The following ZNF76 variants were observed in gnomAD, a reference collection of about 807,000 sequenced individuals.
ZNF76 encodes the protein zinc finger protein 76, also known as zinc finger protein 523.
ZNF76 carries 66 observed loss-of-function variants against 66.9 expected under a neutral mutation model. The ratio of observed to expected loss-of-function variants is 0.99; its 90% CI spans 0.81 to 1.21. The LOEUF (loss-of-function observed/expected upper bound fraction) is 1.21. Ranked by LOEUF, ZNF76 falls within the 50% of genes most tolerant of loss-of-function variation. The probability of loss-of-function intolerance (pLI) is 0.00; values close to 1 mark genes in which losing one functional copy is unlikely to be tolerated. For synonymous variants in ZNF76, 275 were observed against 296.1 expected (o/e 0.93, Z 0.73); for missense variants, 729 against 760.3 (o/e 0.96, Z 0.48).
intron 1 of ZNF76, among the ~76,000 whole-genome samples, chr6:35,266,518 T>G (rs563183884): frequency 1.5e-4 from 23 of 152,318 alleles, no homozygotes; most frequent in Non-Finnish European, 5.9e-5. Flanking sequence ...CTTGAACATG[T>G]CAAGTTCGAA....
At chr6:35,294,843 C>T in intron 13 of ZNF76, 1 of 569,506 alleles carries the variant, frequency 1.8e-6, no homozygotes, top group South Asian at 2.0e-5. Context: ...TCTGTTTCTT[C>T]ATCTGGAAAT....
At chr6:35,264,017 C>T (rs1785625088) in intron 1 of ZNF76, among the ~76,000 whole-genome samples, 4 of 152,186 alleles carry the variant, frequency 2.6e-5, no homozygotes, top group Admixed American at 2.0e-4. Flanking sequence ...TCCCAAAGTG[C>T]TAGGATTACA....
intron 1 of ZNF76, among the ~76,000 whole-genome samples, chr6:35,275,127 C>T (rs566397782): frequency 6.6e-6 from 1 of 151,454 alleles, no homozygotes; most frequent in Non-Finnish European, 1.5e-5. Context: ...TGCACTCCAG[C>T]GTGGGCGTGA....
intron 4 of ZNF76, 156 bp downstream of exon 4, chr6:35,286,555 G>T (rs920505850): frequency 1.8e-5 from 13 of 717,258 alleles, no homozygotes; most frequent in Non-Finnish European, 2.7e-5. Context: ...TAGCAGCCTT[G>T]CCCACCTTCC....
chr6:35,290,998 C>T, intron 7 of ZNF76: 1 of 593,392 alleles, frequency 1.7e-6, no homozygotes, highest in Non-Finnish European at 3.0e-6. Flanking sequence ...GCCATTGCAT[C>T]TCTCTGGGCT....
rs74869516 is a variant in ZNF76 at position 35,270,981 on chromosome 6, C to A, written c.-96-10075C>A. Among the ~76,000 whole-genome samples the A allele has an allele frequency of 6.1e-3, 874 of 144,336 alleles. 8 individuals carry two copies. Among genetic ancestry groups the A allele is most frequent in the African/African-American group, 0.017 (693 of 40,764 alleles). The allele number at this position is 144,336 out of a possible 152,430, so 94.7% of individuals were successfully genotyped here. On this transcript the variant is annotated intron_variant, in intron 1 of 13. Transcript: ENST00000373953. ...TAGGCGACAGAGCAAGACTTCGTCT[C>A]ATAAATAAATAAATGGCACTGTTTT...
At chr6:35,294,629 A>G in intron 13 of ZNF76, 60 bp downstream of exon 13, 6 of 1,196,872 alleles carry the variant, frequency 5.0e-6, no homozygotes, top group Non-Finnish European at 7.5e-6. Context: ...CAAGGAATAA[A>G]GGGGAATTAG....
In ZNF76 at chr6:35,295,497, C is replaced by T. The variant is rs1458813495; in HGVS notation, c.*249C>T. On this transcript the variant is annotated 3_prime_UTR_variant, in exon 14 of 14. Transcript: ENST00000373953. The stretch of plus-strand genomic sequence containing the variant: ...ACAACAGCCAGGCTACACCAGGGCA[C>T]CCGCCTCTCAAAATCAGCTGGGCGC... The T allele has an allele frequency of 5.9e-6, 3 of 506,224 alleles. No homozygotes were observed. The highest frequency in any genetic ancestry group is 1.9e-5 in the African/African-American group (1 of 51,752). The allele number at this position is 506,224 out of a possible 1,614,324, so 31.4% of individuals were successfully genotyped here. A position where few individuals can be genotyped will look rare whatever the true frequency, so the allele number is the denominator to read the frequency against.
At chr6:35,264,365 G>A in intron 1 of ZNF76, among the ~76,000 whole-genome samples, 1 of 152,208 alleles carries the variant, frequency 6.6e-6, no homozygotes, top group African/African-American at 2.4e-5. Flanking sequence ...GTTTGACGCA[G>A]TTGCTCAAAT....
At chr6:35,278,147 C>T (rs1448592738) in intron 1 of ZNF76, among the ~76,000 whole-genome samples, 1 of 151,944 alleles carries the variant, frequency 6.6e-6, no homozygotes, top group Non-Finnish European at 1.5e-5. Flanking sequence ...TGAGCCACCA[C>T]GCCCAGCCAG....
At position 35,287,696 on chromosome 6, in the gene ZNF76, A is replaced by C; in HGVS notation, c.283A>C (p.Thr95Pro). 1 of 1,614,194 alleles carries C rather than the reference A, an allele frequency of 6.2e-7. No individual in the cohort carries two copies. Among genetic ancestry groups the C allele is most frequent in the South Asian group, 1.1e-5 (1 of 91,090 alleles). Reference protein sequence around the residue: ...LEAVQLEDGSTAYIHHPVAVP... With the variant: ...LEAVQLEDGSPAYIHHPVAVP... ...AGCCGTCCAACTGGAAGATGGCTCC[A>C]CTGCCTACATTCACCACCCTGTGGC... Residue 95 changes from threonine (T) to proline (P), a missense_variant, in exon 5 of 14, where the codon ACT (threonine) becomes CCT (proline). Transcript: ENST00000373953. This position sits in a 1 kb window ranked among gnomAD's most constrained non-coding sequence, Gnocchi z 4.0.
chr6:35,291,361 A>T lies in ZNF76; in HGVS notation c.709A>T (p.Lys237Ter). 6.2e-7 allele frequency: 1 copy of T among 1,614,156 alleles called. No individual in the cohort carries two copies. The highest frequency in any genetic ancestry group is 8.5e-7 in the Non-Finnish European group (1 of 1,180,010). Reference sequence around the variant, plus strand: ...AGAGGAGCTGTGCAGCAAGGCCTTCAAGACCTCAGGAGACCTGCAGAAGCA... The same window carrying T: ...AGAGGAGCTGTGCAGCAAGGCCTTCTAGACCTCAGGAGACCTGCAGAAGCA... ...CPEELCSKAF[K>*]TSGDLQKHVR... The change falls in exon 8 of 14, where the codon AAG becomes TAG. Residue 237 changes from lysine (K) to a stop codon, truncating the protein, a stop_gained. Coordinates refer to ENST00000373953, the MANE Select transcript of ZNF76 (RefSeq NM_003427.5). LOFTEE classifies it high-confidence loss of function.
Position 35,294,505 on chromosome 6 carries a change from C to T in ZNF76, c.1544C>T (p.Ala515Val), listed in dbSNP as rs140919708. ...GTGGTGGCTGAGGACTCAAGTGTAG[C>T]ATCTCTTCGTCATCAACAGGTGGCA... ...GAVVAEDSSV[A>V]SLRHQQVALL... Residue 515 changes from alanine (A) to valine (V), a missense_variant, in exon 13 of 14, where the codon GCA (alanine) becomes GTA (valine). Physicochemically the swap from Ala to Val is moderately conservative, Grantham distance 64 (BLOSUM62 0). Coordinates refer to ENST00000373953, the MANE Select transcript of ZNF76 (RefSeq NM_003427.5). 511 of 1,613,966 alleles carry T rather than the reference C, an allele frequency of 3.2e-4. No individual in the cohort carries two copies. Among genetic ancestry groups the T allele is most frequent in the Non-Finnish European group, 4.1e-4 (478 of 1,180,016 alleles).
chr6:35,280,515 A>AAC (rs1788599026), intron 1 of ZNF76, among the ~76,000 whole-genome samples: 1 of 73,442 alleles, frequency 1.4e-5, no homozygotes, highest in Admixed American at 1.6e-4. Context: ...CTCAAGCATG[A>AAC]TCCCCCCCCC....
intron 2 of ZNF76, among the ~76,000 whole-genome samples, chr6:35,285,783 C>T (rs558466888): frequency 1.3e-5 from 2 of 152,198 alleles, no homozygotes; most frequent in Admixed American, 6.5e-5. Flanking sequence ...GGGGCTCATC[C>T]AGGTTTAAGG....
At chr6:35,294,426 T>G in intron 12 of ZNF76, 30 bp from the exon 13 acceptor site, 1 of 1,457,996 alleles carries the variant, frequency 6.9e-7, no homozygotes, top group South Asian at 1.1e-5. Context: ...ATACTGCAGG[T>G]GGAATGGAAG....
intron 6 of ZNF76, 79 bp downstream of exon 6, chr6:35,290,461 A>C: frequency 6.3e-7 from 1 of 1,588,258 alleles, no homozygotes; most frequent in Non-Finnish European, 8.6e-7. Flanking sequence ...CTTTGATTGG[A>C]ATTGGTCCCT....
In ZNF76 at chr6:35,286,157, C is replaced by T. The variant is rs560426426; in HGVS notation, c.103C>T (p.Gln35Ter). Residue 35 changes from glutamine to a stop codon, truncating the protein, a stop_gained, in exon 3 of 14, where the codon CAG becomes TAG. Coordinates refer to ENST00000373953, the MANE Select transcript of ZNF76 (RefSeq NM_003427.5). LOFTEE classifies it high-confidence loss of function. ...GEKLLEGQVI[Q>*]LEDGTTAYIH... is the part of the protein sequence containing the mutation. ...GAAGCTTCTTGAAGGGCAGGTGATC[C>T]AGCTCGAGGATGGGACCACCGCATA... is the stretch of plus-strand genomic sequence containing the variant. 1 of 1,614,064 alleles carries T rather than the reference C, an allele frequency of 6.2e-7. No homozygotes were observed. The highest frequency in any genetic ancestry group is 8.5e-7 in the Non-Finnish European group (1 of 1,180,008).
chr6:35,279,263 C>A, intron 1 of ZNF76: 1 of 167,414 alleles, frequency 6.0e-6, no homozygotes, highest in South Asian at 1.9e-4. Flanking sequence ...CAAACCATGC[C>A]ACTGTTTCCA....
Sources: gnomAD v4.1 joint callset for allele counts (sites outside exome capture counted in the v4.1 genomes callset) on GRCh38, gnomAD v4.1.1 for gene constraint, Gnocchi (gnomAD v3.1) non-coding constraint, MANE v1.5 for transcripts, NCBI Gene and HGNC (gene_info 2026-07-23, HGNC 2026-07-21) for gene names.